Variants in MGAT4A observed in about 807,000 individuals in gnomAD.
MGAT4A encodes the protein N-acetylglucosaminyltransferase IVa.
Under a neutral mutation model 74.1 loss-of-function variants are expected in MGAT4A, and 33 were observed. That is an observed-to-expected ratio of 0.45 (90% CI 0.34 to 0.60). The LOEUF is 0.60. Ranked by LOEUF, MGAT4A falls within the 20% of genes least tolerant of loss-of-function variation. The pLI is 0.02. For missense variants in MGAT4A, 479 were observed against 628.3 expected (o/e 0.76, Z 2.54); for synonymous variants, 198 against 210.4 (o/e 0.94, Z 0.51).
In MGAT4A at chr2:98,658,298, T is replaced by C. The variant is rs544252970; in HGVS notation, c.538-34A>G. On this transcript the variant is annotated intron_variant, in intron 5 of 15. Coordinates refer to ENST00000393487, the MANE Select transcript of MGAT4A (RefSeq NM_012214.3). ...GAAAAAAAATGTATCTATATTCAAGTTTTTATATTTTTATTTAACTGTTAA... is the reference window on the plus strand; with the variant it reads ...GAAAAAAAATGTATCTATATTCAAGCTTTTATATTTTTATTTAACTGTTAA... 6 of 1,251,276 alleles carry C rather than the reference T, an allele frequency of 4.8e-6. No individual in the cohort carries two copies. In the African/African-American group the frequency reaches 9.2e-5, roughly 19 times the overall value. 77.5% of individuals were successfully genotyped at this position (1,251,276 alleles called of 1,614,324 possible).
chr2:98,688,123 G>A (rs922684909), intron 2 of MGAT4A, among the ~76,000 whole-genome samples: 5 of 151,990 alleles, frequency 3.3e-5, no homozygotes, highest in African/African-American at 4.8e-5. Context: ...AAGGTCCGCC[G>A]CACCCAAATT....
Position 98,643,929 on chromosome 2 carries a change from T to C in MGAT4A, c.1014A>G (p.Lys338=), listed in dbSNP as rs1256044843. The C allele has an allele frequency of 6.5e-7, 1 of 1,546,382 alleles. No homozygotes were observed. Among genetic ancestry groups the C allele is most frequent in the Admixed American group, 1.8e-5 (1 of 56,074 alleles). Residue 338 remains lysine (K), a synonymous_variant, in exon 10 of 16, where the codon AAA becomes AAG. Coordinates refer to ENST00000393487, the MANE Select transcript of MGAT4A (RefSeq NM_012214.3). ...TGGTGAGGAATTAACTTACTGCATCTTTTTCAGGGTTGCAGACTTTCACCC... is the reference window on the plus strand; with the variant it reads ...TGGTGAGGAATTAACTTACTGCATCCTTTTCAGGGTTGCAGACTTTCACCC... The part of the protein sequence containing the change: ...ILWVKVCNPE[K]DAKHCDRQKA...
intron 8 of MGAT4A, among the ~76,000 whole-genome samples, chr2:98,654,122 A>T (rs2104257261): frequency 6.6e-6 from 1 of 151,946 alleles, no homozygotes; most frequent in East Asian, 1.9e-4. Flanking sequence ...TTTCTTGATT[A>T]AAAAAAATGT....
intron 2 of MGAT4A, among the ~76,000 whole-genome samples, chr2:98,709,512 G>A (rs1406312045): frequency 1.3e-5 from 2 of 151,978 alleles, no homozygotes; most frequent in Non-Finnish European, 2.9e-5. Flanking sequence ...CATTTTACAA[G>A]TCTTGAAGTT....
At chr2:98,641,938 T>G (rs1575246236) in intron 10 of MGAT4A, among the ~76,000 whole-genome samples, 1 of 143,304 alleles carries the variant, frequency 7.0e-6, no homozygotes, top group African/African-American at 2.6e-5. Context: ...GAGGCTACAG[T>G]GGGCTGAGAC....
intron 14 of MGAT4A, among the ~76,000 whole-genome samples, chr2:98,626,748 G>A (rs548686819): frequency 6.6e-6 from 1 of 152,238 alleles, no homozygotes; most frequent in East Asian, 1.9e-4. Flanking sequence ...TTCCTTTCGG[G>A]AGTATAACAT....
At chr2:98,651,018 T>C (rs1277054761) in intron 8 of MGAT4A, among the ~76,000 whole-genome samples, 2 of 151,926 alleles carry the variant, frequency 1.3e-5, no homozygotes, top group Non-Finnish European at 2.9e-5. Flanking sequence ...TGAGCTGGGA[T>C]TGTGCCACTG....
intron 5 of MGAT4A, 26 bp from the exon 6 acceptor site, chr2:98,658,290 T>A: frequency 2.1e-6 from 3 of 1,421,356 alleles, no homozygotes; most frequent in Non-Finnish European, 2.9e-6. Flanking sequence ...AATGTATCTA[T>A]ATTCAAGTTT....
At chr2:98,672,310 G>A (rs1434247505) in intron 4 of MGAT4A, among the ~76,000 whole-genome samples, 2 of 152,122 alleles carry the variant, frequency 1.3e-5, no homozygotes, top group Admixed American at 6.5e-5. Flanking sequence ...TGACTAATAC[G>A]TGTTTTCTTT....
rs952573880 is a variant in MGAT4A at position 98,623,036 on chromosome 2, TAAAAAG to T, written c.*2524_*2529del. ...CTGTCTCAAAAATAATACAAAATGA[TAAAAAG>T]AGAAAGAGGAGGGCAGGCTGGAATA... On this transcript the variant is annotated 3_prime_UTR_variant, in exon 16 of 16. Coordinates refer to ENST00000393487, the MANE Select transcript of MGAT4A (RefSeq NM_012214.3). 1.0e-6 allele frequency: 1 copy of T among 985,230 alleles called. No individual in the cohort carries two copies. Among genetic ancestry groups the T allele is most frequent in the Non-Finnish European group, 1.2e-6 (1 of 830,086 alleles). 61.0% of individuals were successfully genotyped at this position (985,230 alleles called of 1,614,324 possible). A position where few individuals can be genotyped will look rare whatever the true frequency, so the allele number is the denominator to read the frequency against.
At chr2:98,711,897 T>C (rs1392515025) in intron 2 of MGAT4A, among the ~76,000 whole-genome samples, 1 of 152,200 alleles carries the variant, frequency 6.6e-6, no homozygotes, top group African/African-American at 2.4e-5. Context: ...GTGTTGGGAT[T>C]ATGGGCATGA....
At chr2:98,648,025 GA>G (rs1431692574) in intron 8 of MGAT4A, among the ~76,000 whole-genome samples, 1 of 152,194 alleles carries the variant, frequency 6.6e-6, no homozygotes, top group African/African-American at 2.4e-5. Flanking sequence ...TAACCTGTAT[GA>G]ACATTTAAAA....
At chr2:98,709,556 G>A (rs1286297396) in intron 2 of MGAT4A, among the ~76,000 whole-genome samples, 3 of 152,140 alleles carry the variant, frequency 2.0e-5, no homozygotes, top group African/African-American at 4.8e-5. Flanking sequence ...CCAACTTAAT[G>A]AAAGAACAAC....
In MGAT4A at chr2:98,648,389, A is replaced by G. The variant is rs1469036962; in HGVS notation, c.775-2847T>C. Among the ~76,000 whole-genome samples, 4 of 152,044 alleles carry G rather than the reference A, an allele frequency of 2.6e-5. No homozygotes were observed. In the East Asian group the frequency reaches 7.7e-4, roughly 29 times the overall value. ...GTGCCAAGTGCCTGTAATCCCACCT[A>G]CTTGGGAGGCTGAGGCAGGAGAATC... On this transcript the variant is annotated intron_variant, in intron 8 of 15. Transcript: ENST00000393487.
At chr2:98,686,160 G>T (rs1011582130) in intron 2 of MGAT4A, among the ~76,000 whole-genome samples, 18 of 152,110 alleles carry the variant, frequency 1.2e-4, no homozygotes, top group Non-Finnish European at 2.5e-4. Context: ...CTCCAGTCAG[G>T]ATCCAACACA....
intron 10 of MGAT4A, among the ~76,000 whole-genome samples, chr2:98,642,298 G>T (rs1575246426): frequency 6.6e-6 from 1 of 152,162 alleles, no homozygotes; most frequent in East Asian, 1.9e-4. Flanking sequence ...GCAATGGAAG[G>T]ACTCTGGCCG....
At chr2:98,643,520 A>C (rs1389498574) in intron 10 of MGAT4A, among the ~76,000 whole-genome samples, 1 of 152,212 alleles carries the variant, frequency 6.6e-6, no homozygotes, top group Non-Finnish European at 1.5e-5. Context: ...CTTCTATTTT[A>C]TTCCTCATTT....
intron 2 of MGAT4A, among the ~76,000 whole-genome samples, chr2:98,679,067 C>T (rs1443969634): frequency 6.6e-6 from 1 of 152,084 alleles, no homozygotes; most frequent in Non-Finnish European, 1.5e-5. Flanking sequence ...AATCCCAGCA[C>T]TCTAGGAGGC....
intron 2 of MGAT4A, among the ~76,000 whole-genome samples, chr2:98,722,985 C>T (rs1049799301): frequency 6.6e-6 from 1 of 152,186 alleles, no homozygotes; most frequent in Non-Finnish European, 1.5e-5. Flanking sequence ...CACCCACCTA[C>T]AACTGTCCCA....
Sources: gnomAD v4.1 joint callset for allele counts (sites outside exome capture counted in the v4.1 genomes callset) on GRCh38, gnomAD v4.1.1 for gene constraint, MANE v1.5 for transcripts, NCBI Gene and HGNC (gene_info 2026-07-23, HGNC 2026-07-21) for gene names.